SAMMSON: variants seen among roughly 807,000 people sequenced by gnomAD.
SAMMSON encodes the protein survival associated mitochondrial melanoma specific oncogenic non-coding RNA, also known as long intergenic non-protein coding RNA 1212.
At chr3:70,001,104 G>A (rs1376780655) in intron 1 of SAMMSON, among the ~76,000 whole-genome samples, 1 of 151,614 alleles carries the variant, frequency 6.6e-6, no homozygotes. Flanking sequence ...TAGGGAAGAG[G>A]GGTGATGTGG....
chr3:70,146,055 ACAACT>A lies in SAMMSON; in HGVS notation n.507+74494_507+74498del, dbSNP rs373759990. Reference sequence around the variant, plus strand: ...AAAGGATAATAAAGGAATACTACAAACAACTCAAAGCATACCAATTCAGCAAAATA... The same window carrying A: ...AAAGGATAATAAAGGAATACTACAAACAAAGCATACCAATTCAGCAAAATA... On this transcript the variant is annotated intron_variant and non_coding_transcript_variant, in intron 4 of 9. Transcript: ENST00000642114. 3.5e-3 allele frequency among the ~76,000 whole-genome samples: 538 copies of A among 152,146 alleles called. 2 individuals are homozygous for A. Among genetic ancestry groups the A allele is most frequent in the African/African-American group, 0.012 (502 of 41,556 alleles).
At chr3:70,328,040 C>T (rs1702591005) in intron 7 of SAMMSON, among the ~76,000 whole-genome samples, 1 of 152,150 alleles carries the variant, frequency 6.6e-6, no homozygotes, top group Non-Finnish European at 1.5e-5. Context: ...AGGTGAAAGG[C>T]ACATCCCACA....
chr3:70,408,344 A>T lies in SAMMSON; in HGVS notation n.233+50020A>T, dbSNP rs569892774. ...CTCAGAAAATGGATTTTTCTTTTCT[A>T]TCACATTGTCAGGCTGCACATTTTC... On this transcript the variant is annotated intron_variant and non_coding_transcript_variant, in intron 2 of 3. Transcript: ENST00000641053. 3.3e-5 allele frequency among the ~76,000 whole-genome samples: 5 copies of T among 152,314 alleles called. No individual in the cohort carries two copies. In the East Asian group the frequency reaches 9.6e-4, roughly 29 times the overall value.
chr3:70,073,854 C>T (rs1288577969), intron 4 of SAMMSON, among the ~76,000 whole-genome samples: 1 of 151,998 alleles, frequency 6.6e-6, no homozygotes, highest in Admixed American at 6.6e-5. Flanking sequence ...TGTATTCTTA[C>T]TCAAAAGATA....
intron 2 of SAMMSON, among the ~76,000 whole-genome samples, chr3:70,433,944 G>A (rs1445051236): frequency 6.6e-6 from 1 of 152,130 alleles, no homozygotes; most frequent in Non-Finnish European, 1.5e-5. Flanking sequence ...TCAAAGATCG[G>A]TTGACTATAT....
chr3:70,118,994 C>T (rs1438855930), intron 4 of SAMMSON, among the ~76,000 whole-genome samples: 3 of 152,146 alleles, frequency 2.0e-5, no homozygotes, highest in Non-Finnish European at 4.4e-5. Context: ...CTTTTCTGTG[C>T]ACTCTTTCCT....
intron 4 of SAMMSON, among the ~76,000 whole-genome samples, chr3:70,145,779 A>C (rs1052307107): frequency 2.0e-5 from 3 of 152,024 alleles, no homozygotes; most frequent in African/African-American, 7.2e-5. Flanking sequence ...CTTACCTTCC[A>C]CCTTAAGAAA....
intron 2 of SAMMSON, among the ~76,000 whole-genome samples, chr3:70,419,324 C>T (rs1048656006): frequency 5.9e-5 from 9 of 152,046 alleles, no homozygotes; most frequent in Admixed American, 3.3e-4. Context: ...TGAGCCACTG[C>T]GCCTGGCCAG....
chr3:70,144,184 A>G (rs2067539049), intron 4 of SAMMSON, among the ~76,000 whole-genome samples: 1 of 152,082 alleles, frequency 6.6e-6, no homozygotes, highest in African/African-American at 2.4e-5. Flanking sequence ...ACTTTTTTTC[A>G]TTAAACAATA....
At chr3:70,083,258 G>T (rs556439602) in intron 4 of SAMMSON, among the ~76,000 whole-genome samples, 21 of 152,102 alleles carry the variant, frequency 1.4e-4, no homozygotes, top group African/African-American at 5.1e-4. Context: ...TTCTGAGGCC[G>T]CATGTGACTA....
intron 4 of SAMMSON, among the ~76,000 whole-genome samples, chr3:70,181,594 T>G (rs1302745051): frequency 1.3e-5 from 2 of 152,204 alleles, no homozygotes; most frequent in Non-Finnish European, 2.9e-5. Context: ...AGTAGAATAA[T>G]GCATGGGAAT....
chr3:70,387,238 T>C (rs758746154), intron 9 of SAMMSON, among the ~76,000 whole-genome samples: 3 of 152,054 alleles, frequency 2.0e-5, no homozygotes, highest in Non-Finnish European at 2.9e-5. Context: ...TAAGGCAAAG[T>C]AGAATCATGA....
intron 4 of SAMMSON, among the ~76,000 whole-genome samples, chr3:70,143,414 C>G (rs749726632): frequency 6.6e-6 from 1 of 151,500 alleles, no homozygotes; most frequent in East Asian, 1.9e-4. Flanking sequence ...GGAATTATTT[C>G]AATTATGAAA....
At chr3:70,330,460 C>G (rs2106722155) in intron 7 of SAMMSON, among the ~76,000 whole-genome samples, 1 of 152,038 alleles carries the variant, frequency 6.6e-6, no homozygotes, top group Middle Eastern at 3.5e-3. Flanking sequence ...TATAATACCA[C>G]TTAATACAGT....
chr3:70,353,328 T>A (rs1702807248), intron 7 of SAMMSON, among the ~76,000 whole-genome samples: 1 of 152,038 alleles, frequency 6.6e-6, no homozygotes, highest in Admixed American at 6.6e-5. Flanking sequence ...AAATCACTTA[T>A]CTGAGAAAGG....
intron 4 of SAMMSON, among the ~76,000 whole-genome samples, chr3:70,197,925 G>C (rs1701197506): frequency 6.6e-6 from 1 of 152,138 alleles, no homozygotes; most frequent in Non-Finnish European, 1.5e-5. Flanking sequence ...AATCTGGAAA[G>C]TATCTCTAAG....
intron 7 of SAMMSON, among the ~76,000 whole-genome samples, chr3:70,322,511 C>T (rs1354396756): frequency 2.0e-5 from 3 of 152,168 alleles, no homozygotes; most frequent in East Asian, 3.9e-4. Context: ...TACCAACATC[C>T]GCGAAAAGTA....
At chr3:70,419,820 A>C (rs928217810) in intron 2 of SAMMSON, among the ~76,000 whole-genome samples, 1 of 152,026 alleles carries the variant, frequency 6.6e-6, no homozygotes, top group Non-Finnish European at 1.5e-5. Flanking sequence ...TTATATTTTC[A>C]GTAGAGATGG....
intron 2 of SAMMSON, among the ~76,000 whole-genome samples, chr3:70,419,860 G>T (rs1042689765): frequency 6.6e-6 from 1 of 152,070 alleles, no homozygotes; most frequent in South Asian, 2.1e-4. Flanking sequence ...GGATGGTCTC[G>T]ATCTCCTGAC....
Sources: allele counts gnomAD v4.1 joint callset (sites outside exome capture counted in the v4.1 genomes callset), GRCh38; gene constraint gnomAD v4.1.1; transcripts MANE v1.5; gene names NCBI Gene and HGNC (gene_info 2026-07-23, HGNC 2026-07-21).